Variants in ABCA13 observed in about 807,000 individuals in gnomAD.
ABCA13 encodes ATP binding cassette subfamily A member 13.
A neutral mutation model predicts 478.7 loss-of-function variants in ABCA13; 476 were observed. That is an observed-to-expected ratio of 0.99 (90% CI 0.92 to 1.07). The LOEUF (loss-of-function observed/expected upper bound fraction) is 1.07. Among genes scored for constraint, ABCA13 ranks in the 50% least tolerant of loss-of-function variants. ABCA13 has a pLI of 0.00. For synonymous variants in ABCA13, 2,252 were observed against 2,158.9 expected, an observed-to-expected ratio of 1.04 and a Z score of -1.20; for missense variants, 6,060 against 5,910.6, an observed-to-expected ratio of 1.03 and a Z score of -0.83.
intron 3 of ABCA13, among the ~76,000 whole-genome samples, chr7:48,203,087 TCGAGCGCAGCG>T (rs1799049460): frequency 6.6e-6 from 1 of 152,156 alleles, no homozygotes; most frequent in Non-Finnish European, 1.5e-5. Flanking sequence ...CGGCGAGAAA[TCGAGCGCAGCG>T]CCGGTGGGCC....
intron 58 of ABCA13, among the ~76,000 whole-genome samples, chr7:48,599,881 T>C (rs1426113978): frequency 1.3e-5 from 2 of 151,852 alleles, no homozygotes; most frequent in South Asian, 2.1e-4. Flanking sequence ...TGCAAAGGAA[T>C]ATGTATTCTG....
At position 48,644,714 on chromosome 7, in the gene ABCA13, A is replaced by G; in HGVS notation, c.15041A>G (p.Asn5014Ser). ...ATAGAGAACAATAAAACCTTCTTGA[A>G]TATTAAGCATTATTCCATTAACCAA... ...KVIENNKTFL[N>S]IKHYSINQTT... The change falls in exon 61 of 62, where the codon AAT (asparagine) becomes AGT (serine). Residue 5014 changes from asparagine to serine, a missense_variant. Physicochemically the swap from Asn to Ser is conservative, Grantham distance 46. Transcript: ENST00000435803. 1 of 1,608,856 alleles carries G rather than the reference A, an allele frequency of 6.2e-7. No individual in the cohort carries two copies.
At chr7:48,425,152 AAC>A (rs1267166737) in intron 41 of ABCA13, among the ~76,000 whole-genome samples, 3 of 152,138 alleles carry the variant, frequency 2.0e-5, no homozygotes, top group Admixed American at 6.6e-5. Context: ...TTCCTCCTCT[AAC>A]ACACACATGC....
chr7:48,298,573 T>G (rs1238255276), intron 23 of ABCA13, 86 bp downstream of exon 23: 6 of 1,464,028 alleles, frequency 4.1e-6, no homozygotes, highest in Non-Finnish European at 5.5e-6. Context: ...CCTTTCTTCC[T>G]TCTTGCCTTC....
intron 42 of ABCA13, among the ~76,000 whole-genome samples, chr7:48,444,305 G>A (rs1175961284): frequency 6.6e-6 from 1 of 152,090 alleles, no homozygotes; most frequent in Admixed American, 6.5e-5. Flanking sequence ...AAGAGTTGTG[G>A]AGACAAGCTG....
chr7:48,468,473 T>C (rs1827131175), intron 44 of ABCA13, among the ~76,000 whole-genome samples: 1 of 152,210 alleles, frequency 6.6e-6, no homozygotes, highest in African/African-American at 2.4e-5. Flanking sequence ...CTATCTATTT[T>C]TGTGGTCAGC....
Position 48,288,459 on chromosome 7 carries a change from C to G in ABCA13, c.8955+381C>G, listed in dbSNP as rs116959022. ...TTCCTAATTATTTTAGTATGTTTTA[C>G]TGTTATCTCTCTTCCTGAGATGATT... On this transcript the variant is annotated intron_variant, in intron 20 of 61. Transcript: ENST00000435803. 4.9e-3 allele frequency among the ~76,000 whole-genome samples: 746 copies of G among 152,256 alleles called. 7 individuals carry two copies. The highest frequency in any genetic ancestry group is 8.4e-3 in the Non-Finnish European group (569 of 68,016).
chr7:48,389,119 T>G lies in ABCA13; in HGVS notation c.11553T>G (p.Tyr3851Ter). ...CCCTGGTGTCTGTGACCAAGGAATA[T>G]GAGGGCCACAAGGCTGTGGTCCAAG... ...GVTLVSVTKE[Y>*]EGHKAVVQDL... Residue 3851 changes from tyrosine (Y) to a stop codon, truncating the protein, a stop_gained, in exon 37 of 62, where the codon TAT becomes TAG. Coordinates refer to ENST00000435803, the MANE Select transcript of ABCA13 (RefSeq NM_152701.5). LOFTEE classifies it high-confidence loss of function. 1 of 1,613,944 alleles carries G rather than the reference T, an allele frequency of 6.2e-7. No homozygotes were observed. The highest frequency in any genetic ancestry group is 8.5e-7 in the Non-Finnish European group (1 of 1,179,854).
At chr7:48,583,365 C>G (rs1309447081) in intron 56 of ABCA13, among the ~76,000 whole-genome samples, 4 of 152,192 alleles carry the variant, frequency 2.6e-5, no homozygotes, top group Admixed American at 2.6e-4. Context: ...GGTTCCCTTT[C>G]CCTACTTTAC....
chr7:48,538,615 G>C (rs1833755641), intron 55 of ABCA13, among the ~76,000 whole-genome samples: 2 of 151,848 alleles, frequency 1.3e-5, no homozygotes, highest in African/African-American at 4.8e-5. Flanking sequence ...CATCTTTTTT[G>C]TTTTTAATAC....
chr7:48,603,714 G>A (rs7803560), intron 58 of ABCA13: 49,436 of 188,056 alleles, frequency 0.26, 7,208 homozygotes, highest in Middle Eastern at 0.36. Flanking sequence ...TTTCTGCCAG[G>A]TTTTGGTATC....
At chr7:48,531,761 T>C (rs1833253364) in intron 55 of ABCA13, among the ~76,000 whole-genome samples, 1 of 147,864 alleles carries the variant, frequency 6.8e-6, no homozygotes, top group Admixed American at 6.8e-5. Context: ...TTTGCGGCTG[T>C]TGTAAAAGAT....
At chr7:48,283,715 G>A (rs1034924534) in intron 19 of ABCA13, among the ~76,000 whole-genome samples, 3 of 152,162 alleles carry the variant, frequency 2.0e-5, no homozygotes, top group African/African-American at 7.2e-5. Flanking sequence ...TTACTGTCAC[G>A]ATGGGGCACT....
rs537244156 is a variant in ABCA13 at position 48,276,472 on chromosome 7, A to G, written c.6806A>G (p.Lys2269Arg). 20 of 1,604,322 alleles carry G rather than the reference A, an allele frequency of 1.2e-5. No homozygotes were observed. The highest frequency in any genetic ancestry group is 8.5e-7 in the Non-Finnish European group (1 of 1,176,318). The change falls in exon 17 of 62, where the codon AAA becomes AGA. Residue 2269 changes from lysine to arginine, a missense_variant. Around this residue, in one of 3 missense-constraint regions of ABCA13, gnomAD observed 4,423 missense variants for 4,309.1 expected, o/e 1.03. Coordinates refer to ENST00000435803, the MANE Select transcript of ABCA13 (RefSeq NM_152701.5). ...GTAGATTTCACAGAACAGTTTTTGA[A>G]AACATTCTTCTCCCTTTTTCTAAAG... ...SIVDFTEQFLKTFFSLFLKED... is the reference protein window; with the variant it reads ...SIVDFTEQFLRTFFSLFLKED...
chr7:48,245,110 G>A (rs1275944094), intron 11 of ABCA13, among the ~76,000 whole-genome samples: 2 of 152,140 alleles, frequency 1.3e-5, no homozygotes, highest in East Asian at 1.9e-4. Flanking sequence ...CTTGGTGTCC[G>A]GTAGGGAGAG....
intron 31 of ABCA13, among the ~76,000 whole-genome samples, chr7:48,358,249 GGGGAGGGGA>G (rs1810276110): frequency 7.8e-6 from 1 of 128,670 alleles, no homozygotes; most frequent in Non-Finnish European, 1.7e-5. Flanking sequence ...GGGGAGGGGA[GGGGAGGGGA>G]GGGGAGGGGA....
rs1795227259 is a variant in ABCA13 at position 48,268,884 on chromosome 7, A to G, written c.2006-96A>G. 6 of 437,210 alleles carry G rather than the reference A, an allele frequency of 1.4e-5. No homozygotes were observed. In the South Asian group the frequency reaches 2.1e-4, roughly 15 times the overall value. 27.1% of individuals were successfully genotyped at this position (437,210 alleles called of 1,614,324 possible). A position where few individuals can be genotyped will look rare whatever the true frequency, so the allele number is the denominator to read the frequency against. On this transcript the variant is annotated intron_variant, in intron 15 of 61. Transcript: ENST00000435803. Reference sequence around the variant, plus strand: ...TTTTTTTTTTTTTTTAACATTTTCAACCATATTAGGTGAACTACTCTAGCA... The same window carrying G: ...TTTTTTTTTTTTTTTAACATTTTCAGCCATATTAGGTGAACTACTCTAGCA...
At chr7:48,622,683 A>G (rs970880736) in intron 59 of ABCA13, among the ~76,000 whole-genome samples, 13 of 152,134 alleles carry the variant, frequency 8.5e-5, no homozygotes, top group African/African-American at 3.1e-4. Flanking sequence ...TCTGAGCAAG[A>G]TATATAGATT....
At chr7:48,271,752 T>A in intron 16 of ABCA13, 35 bp from the exon 17 acceptor site, 1 of 1,185,268 alleles carries the variant, frequency 8.4e-7, no homozygotes, top group Non-Finnish European at 1.1e-6. Flanking sequence ...TTTATTTTTT[T>A]ATTTTATACT....
Sources: gnomAD v4.1 joint callset for allele counts (sites outside exome capture counted in the v4.1 genomes callset) on GRCh38, gnomAD v4.1.1 for gene constraint, gnomAD v4.1.1 regional missense constraint, MANE v1.5 for transcripts, NCBI Gene and HGNC (gene_info 2026-07-23, HGNC 2026-07-21) for gene names.